FRMD6: variants seen among roughly 807,000 people sequenced by gnomAD.
FRMD6 encodes FERM domain containing 6.
In FRMD6, 37 loss-of-function variants were observed where a neutral mutation model predicts 73.2. The ratio of observed to expected loss-of-function variants is 0.51; its 90% CI spans 0.39 to 0.66. FRMD6 has a LOEUF of 0.66. Among genes scored for constraint, FRMD6 ranks in the 30% least tolerant of loss-of-function variants. The pLI, the probability that FRMD6 is intolerant of heterozygous loss-of-function variation, is 0.00. For missense variants in FRMD6, 714 were observed against 780.5 expected, an observed-to-expected ratio of 0.91 and a Z score of 1.02; for synonymous variants, 273 against 282.2, an observed-to-expected ratio of 0.97 and a Z score of 0.33.
intron 6 of FRMD6, among the ~76,000 whole-genome samples, chr14:51,705,512 A>T (rs1008552126): frequency 9.9e-5 from 15 of 151,848 alleles, no homozygotes; most frequent in African/African-American, 3.6e-4. Flanking sequence ...CTTCTATATC[A>T]TTAGCCCCTC....
chr14:51,448,987 G>C, the FRMD6 span, among the ~76,000 whole-genome samples: 4 of 152,128 alleles, frequency 2.6e-5, no homozygotes, highest in East Asian at 1.9e-4. Context: ...ATGGGACAAG[G>C]GTAGGCAAAC....
chr14:51,433,860 G>A, the FRMD6 span, among the ~76,000 whole-genome samples: 1 of 152,194 alleles, frequency 6.6e-6, no homozygotes, highest in Non-Finnish European at 1.5e-5. Context: ...GAACACAACA[G>A]TAAGAAAAGT....
chr14:51,490,630 G>GTGTGTGTGTGTGTGTGTGTA (rs1412292099), intron 1 of FRMD6, among the ~76,000 whole-genome samples: 1 of 152,118 alleles, frequency 6.6e-6, no homozygotes, highest in African/African-American at 2.4e-5. Flanking sequence ...GTGTGTGTGT[G>GTGTGTGTGTGTGTGTGTGTA]TGTGTATAAA....
At chr14:51,472,905 G>A in the FRMD6 span, among the ~76,000 whole-genome samples, 3 of 152,246 alleles carry the variant, frequency 2.0e-5, no homozygotes, top group Admixed American at 6.5e-5. Context: ...TGAGGATAAT[G>A]TAGTGTATCC....
At position 51,715,401 on chromosome 14, in the gene FRMD6, G is replaced by T. The variant is rs1286317117; in HGVS notation, c.926G>T (p.Arg309Leu). Residue 309 changes from arginine to leucine, a missense_variant, in exon 10 of 14, where the codon CGC becomes CTC. Transcript: ENST00000344768. Reference protein sequence around the residue: ...KLIYYTGCPMRSRHLLQLLSN... With the variant: ...KLIYYTGCPMLSRHLLQLLSN... The stretch of plus-strand genomic sequence containing the variant: ...ATATACTACACGGGGTGCCCCATGC[G>T]CTCCAGACACCTCCTGCAACTTCTG... 1 of 1,613,426 alleles carries T rather than the reference G, an allele frequency of 6.2e-7. No individual in the cohort carries two copies. The highest frequency in any genetic ancestry group is 1.1e-5 in the South Asian group (1 of 90,946).
At chr14:51,595,735 A>G (rs1354635833) in intron 2 of FRMD6, among the ~76,000 whole-genome samples, 1 of 152,236 alleles carries the variant, frequency 6.6e-6, no homozygotes, top group African/African-American at 2.4e-5. Flanking sequence ...TAGCTTTTCC[A>G]TATGGCTATA....
At chr14:51,431,120 G>A in the FRMD6 span, among the ~76,000 whole-genome samples, 2 of 152,096 alleles carry the variant, frequency 1.3e-5, no homozygotes, top group Non-Finnish European at 2.9e-5. Flanking sequence ...GCCTTAATGG[G>A]CAGTGAGCCA....
At position 51,670,113 on chromosome 14, in the gene FRMD6, G is replaced by A. The variant is rs927569070; in HGVS notation, c.-147+18117G>A. ...TTTTTTTAGAGACAAGTCTCACTCT[G>A]TTGCCAAGACTAGAGTGCAGTGCAT... On this transcript the variant is annotated intron_variant, in intron 1 of 13. Coordinates refer to ENST00000344768, the MANE Select transcript of FRMD6 (RefSeq NM_001267046.2). Among the ~76,000 whole-genome samples the A allele has an allele frequency of 7.2e-4, 109 of 152,084 alleles. 2 individuals carry two copies. Among genetic ancestry groups the A allele is most frequent in the South Asian group, 2.1e-4 (1 of 4,824 alleles).
intron 1 of FRMD6, among the ~76,000 whole-genome samples, chr14:51,527,692 T>C (rs1885339308): frequency 6.6e-6 from 1 of 152,156 alleles, no homozygotes. Flanking sequence ...TAGGAGCCCA[T>C]CCAAGTGGTC....
At chr14:51,523,246 G>A (rs527967392) in intron 1 of FRMD6, among the ~76,000 whole-genome samples, 4 of 152,280 alleles carry the variant, frequency 2.6e-5, no homozygotes, top group African/African-American at 9.6e-5. Context: ...TTAAGTCTTA[G>A]TGCCTTGGGG....
At chr14:51,542,708 T>C (rs780331311) in intron 1 of FRMD6, among the ~76,000 whole-genome samples, 1 of 152,086 alleles carries the variant, frequency 6.6e-6, no homozygotes, top group Admixed American at 6.6e-5. Context: ...TTGTATACAG[T>C]GGTTGTACCA....
Position 51,721,972 on chromosome 14 carries a change from C to G in FRMD6, c.1384C>G (p.Pro462Ala), listed in dbSNP as rs1594786103. The G allele has an allele frequency of 6.2e-7, 1 of 1,613,798 alleles. No individual in the cohort carries two copies. Among genetic ancestry groups the G allele is most frequent in the East Asian group, 2.2e-5 (1 of 44,870 alleles). ...DDEIEMLVDD[P>A]RDLEQMNEES... ...AGAAATAGAGATGTTGGTTGATGAC[C>G]CCCGGGATCTGGAGCAGATGAATGA... is the stretch of plus-strand genomic sequence containing the variant. The change falls in exon 12 of 14, where the codon CCC becomes GCC. Residue 462 changes from proline to alanine, a missense_variant. Pro to Ala is a conservative substitution (Grantham distance 27, BLOSUM62 -1). Coordinates refer to ENST00000344768, the MANE Select transcript of FRMD6 (RefSeq NM_001267046.2).
At chr14:51,677,858 G>C (rs1258910575) in intron 1 of FRMD6, among the ~76,000 whole-genome samples, 2 of 152,058 alleles carry the variant, frequency 1.3e-5, no homozygotes, top group Non-Finnish European at 2.9e-5. Context: ...TAGAGATTCA[G>C]TATTCTTGTT....
chr14:51,498,913 A>C lies in FRMD6; in HGVS notation c.-210+9493A>C, dbSNP rs187880268. Among the ~76,000 whole-genome samples, 4 of 152,344 alleles carry C rather than the reference A, an allele frequency of 2.6e-5. No individual in the cohort carries two copies. In the East Asian group the frequency reaches 7.7e-4, roughly 29 times the overall value. On this transcript the variant is annotated intron_variant, in intron 1 of 14. Transcript: ENST00000356218. ...TTGTATCTAAAGCACTTTTTAGCAC[A>C]GTCCTACTGCACTGCAATTTGCCCA...
At chr14:51,718,230 A>G (rs1046155223) in intron 10 of FRMD6, among the ~76,000 whole-genome samples, 4 of 152,246 alleles carry the variant, frequency 2.6e-5, no homozygotes, top group Non-Finnish European at 5.9e-5. Flanking sequence ...GAAGCCAGCC[A>G]TGTGGAACAC....
In FRMD6 at chr14:51,728,994, C is replaced by T; in HGVS notation, c.*965C>T. ...GCTTACTATGTCTTCATTTTGGCTT[C>T]CATGACTATCTTTTATACATGGAAT... On this transcript the variant is annotated 3_prime_UTR_variant, in exon 14 of 14. Coordinates refer to ENST00000344768, the MANE Select transcript of FRMD6 (RefSeq NM_001267046.2). 6.6e-6 allele frequency: 1 copy of T among 152,126 alleles called. No homozygotes were observed. Among genetic ancestry groups the T allele is most frequent in the Non-Finnish European group, 1.5e-5 (1 of 68,002 alleles). 9.4% of individuals were successfully genotyped at this position (152,126 alleles called of 1,614,324 possible). A position where few individuals can be genotyped will look rare whatever the true frequency, so the allele number is the denominator to read the frequency against.
chr14:51,498,416 A>G (rs114621857), intron 1 of FRMD6, among the ~76,000 whole-genome samples: 1,522 of 112,730 alleles, frequency 0.014, 11 homozygotes, highest in Admixed American at 0.027. Flanking sequence ...CCACTCACCA[A>G]TTTTTGTTTT....
intron 2 of FRMD6, among the ~76,000 whole-genome samples, chr14:51,629,476 A>G (rs941058980): frequency 2.0e-5 from 3 of 152,154 alleles, no homozygotes; most frequent in Admixed American, 6.5e-5. Context: ...TTACATTCCT[A>G]CCAGCAGTGT....
Position 51,718,313 on chromosome 14 carries a change from A to G in FRMD6, c.1025-1742A>G, listed in dbSNP as rs561385317. On this transcript the variant is annotated intron_variant, in intron 10 of 13. Coordinates refer to ENST00000344768, the MANE Select transcript of FRMD6 (RefSeq NM_001267046.2). ...CAAGTACTTGTCTTCTCGTGAGCAT[A>G]CTAGTGAATATAGAGGAACTATAGT... Among the ~76,000 whole-genome samples, 28 of 152,316 alleles carry G rather than the reference A, an allele frequency of 1.8e-4. No individual in the cohort carries two copies. The East Asian group carries it at 5.2e-3, about 28-fold the overall frequency.
Sources: allele counts gnomAD v4.1 joint callset (sites outside exome capture counted in the v4.1 genomes callset), GRCh38; gene constraint gnomAD v4.1.1; transcripts MANE v1.5; gene names NCBI Gene and HGNC (gene_info 2026-07-23, HGNC 2026-07-21).